The following PCNX4 variants were observed in gnomAD, a reference collection of about 807,000 sequenced individuals.
PCNX4 encodes the protein pecanex-like protein 4.
A neutral mutation model predicts 107.2 loss-of-function variants in PCNX4; 103 were observed. The ratio of observed to expected loss-of-function variants is 0.96; its 90% confidence interval spans 0.82 to 1.13. The LOEUF (loss-of-function observed/expected upper bound fraction) is 1.13. PCNX4 is among the 50% of genes most tolerant of loss of function. The probability of loss-of-function intolerance (pLI) is 0.00; values close to 1 mark genes in which losing one functional copy is unlikely to be tolerated. For synonymous variants in PCNX4, 541 were observed against 481.7 expected (o/e 1.12, Z -1.61); for missense variants, 1,528 against 1,379.4 (o/e 1.11, Z -1.71).
Position 60,144,788 on chromosome 14 carries a change from G to C in PCNX4, c.*10567G>C, listed in dbSNP as rs537499214. 3.5e-5 allele frequency: 21 copies of C among 606,078 alleles called. No individual in the cohort carries two copies. In the African/African-American group the frequency reaches 3.8e-4, roughly 11 times the overall value. The allele number at this position is 606,078 out of a possible 1,614,324, so 37.5% of individuals were successfully genotyped here. ...GTATGAGTTAATACCTTTTTTGCAA[G>C]ATTCATGGCAATCTTTTATTATTTA... On this transcript the variant is annotated 3_prime_UTR_variant, in exon 11 of 11. Coordinates refer to ENST00000406854, the MANE Select transcript of PCNX4 (RefSeq NM_001330177.2).
chr14:60,103,994 T>A (rs1263440133), intron 1 of PCNX4, among the ~76,000 whole-genome samples: 1 of 152,204 alleles, frequency 6.6e-6, no homozygotes, highest in Non-Finnish European at 1.5e-5. Flanking sequence ...CTTACTGTTT[T>A]GAGTAGAGTA....
chr14:60,141,005 GA>G lies in PCNX4; in HGVS notation c.*6788del. On this transcript the variant is annotated 3_prime_UTR_variant, in exon 11 of 11. Transcript: ENST00000406854. ...AAATACTGCATAGGCAAGGGACAGG[GA>G]AAATTAATTTTCCCTACTTATAAAG... 6.6e-6 allele frequency: 1 copy of G among 152,296 alleles called. No homozygotes were observed. Among genetic ancestry groups the G allele is most frequent in the East Asian group, 1.9e-4 (1 of 5,186 alleles). The allele number at this position is 152,296 out of a possible 1,614,324, so 9.4% of individuals were successfully genotyped here.
At chr14:60,097,963 A>G (rs1895457740) in intron 1 of PCNX4, among the ~76,000 whole-genome samples, 1 of 152,132 alleles carries the variant, frequency 6.6e-6, no homozygotes, top group East Asian at 1.9e-4. Flanking sequence ...TTATAACTAC[A>G]GGGTCTGGAT....
chr14:60,095,938 G>C (rs1895415691), intron 1 of PCNX4, among the ~76,000 whole-genome samples: 1 of 152,172 alleles, frequency 6.6e-6, no homozygotes, highest in African/African-American at 2.4e-5. Flanking sequence ...TTCTCAATTA[G>C]AGCAATTCTC....
Position 60,138,220 on chromosome 14 carries a change from G to T in PCNX4, c.*3999G>T, listed in dbSNP as rs917076419. The T allele has an allele frequency of 6.6e-6, 1 of 151,940 alleles. No individual in the cohort carries two copies. Among genetic ancestry groups the T allele is most frequent in the South Asian group, 2.1e-4 (1 of 4,824 alleles). The allele number at this position is 151,940 out of a possible 1,614,324, so 9.4% of individuals were successfully genotyped here. A position where few individuals can be genotyped will look rare whatever the true frequency, so the allele number is the denominator to read the frequency against. On this transcript the variant is annotated 3_prime_UTR_variant, in exon 11 of 11. Transcript: ENST00000406854. ...AGATGTGAAAAACTAAGAGACAAAAGAATAGAAAATATAGTAGAGAGTATA... is the reference window on the plus strand; with the variant it reads ...AGATGTGAAAAACTAAGAGACAAAATAATAGAAAATATAGTAGAGAGTATA...
intron 9 of PCNX4, 39 bp from the exon 10 acceptor site, chr14:60,125,598 C>T (rs1415439732): frequency 1.5e-6 from 2 of 1,331,910 alleles, no homozygotes; most frequent in Non-Finnish European, 2.0e-6. Flanking sequence ...AAGTTGACAG[C>T]AAATATTCTA....
At chr14:60,117,880 A>C (rs1895880458) in intron 6 of PCNX4, among the ~76,000 whole-genome samples, 2 of 152,056 alleles carry the variant, frequency 1.3e-5, no homozygotes, top group Admixed American at 6.6e-5. Flanking sequence ...TGTGGTATGT[A>C]ATATTTTGTA....
chr14:60,112,275 G>T (rs1895753864), intron 2 of PCNX4, among the ~76,000 whole-genome samples: 1 of 152,010 alleles, frequency 6.6e-6, no homozygotes, highest in Non-Finnish European at 1.5e-5. Flanking sequence ...CTTTTTTCTT[G>T]GCATGTGGAT....
In PCNX4 at chr14:60,099,586, A is replaced by C. The variant is rs549196085; in HGVS notation, c.-54+7167A>C. Reference sequence around the variant, plus strand: ...TTGGGTTAGAGAGAGCAGTATTATCACTGAGCACATTGTAGGTACCCAAAA... The same window carrying C: ...TTGGGTTAGAGAGAGCAGTATTATCCCTGAGCACATTGTAGGTACCCAAAA... On this transcript the variant is annotated intron_variant, in intron 1 of 10. Transcript: ENST00000406854. Among the ~76,000 whole-genome samples the C allele has an allele frequency of 7.2e-5, 11 of 152,348 alleles. No individual in the cohort carries two copies. The South Asian group carries it at 2.1e-3, about 29-fold the overall frequency.
At chr14:60,131,157 A>G (rs1473859978) in intron 10 of PCNX4, among the ~76,000 whole-genome samples, 3 of 152,192 alleles carry the variant, frequency 2.0e-5, no homozygotes, top group Non-Finnish European at 4.4e-5. Context: ...TGAGAAATAA[A>G]TGTCTCTTCT....
intron 1 of PCNX4, among the ~76,000 whole-genome samples, chr14:60,101,444 A>C (rs1895530945): frequency 6.6e-6 from 1 of 152,238 alleles, no homozygotes; most frequent in South Asian, 2.1e-4. Context: ...AAGTTAAAAA[A>C]ATGAGCAAAG....
rs1299307003 is a variant in PCNX4, at chr14:60,140,751, T to G, written c.*6530T>G. On this transcript the variant is annotated 3_prime_UTR_variant, in exon 11 of 11. Transcript: ENST00000406854. The surrounding 1 kb of genome is among the most constrained non-coding windows in gnomAD (Gnocchi z 4.2). ...TGAAAGGAGAAAAATAATATTTCAG[T>G]AGATCCAGAAAAAGTATTTGATAAA... The G allele has an allele frequency of 6.6e-6, 1 of 152,212 alleles. No homozygotes were observed. The highest frequency in any genetic ancestry group is 1.5e-5 in the Non-Finnish European group (1 of 68,032). The allele number at this position is 152,212 out of a possible 1,614,324, so 9.4% of individuals were successfully genotyped here. A position where few individuals can be genotyped will look rare whatever the true frequency, so the allele number is the denominator to read the frequency against.
At chr14:60,092,642 C>A (rs1228991803) in intron 1 of PCNX4, among the ~76,000 whole-genome samples, 1 of 152,202 alleles carries the variant, frequency 6.6e-6, no homozygotes, top group African/African-American at 2.4e-5. Flanking sequence ...ACTACTTTAG[C>A]CTGTTGAATT....
chr14:60,092,471 C>G (rs1460141427), intron 1 of PCNX4, 52 bp downstream of exon 1: 10 of 152,390 alleles, frequency 6.6e-5, no homozygotes, highest in African/African-American at 2.4e-5. Flanking sequence ...ATCTTAATGT[C>G]CAAGCCTGTG....
chr14:60,115,660 A>T, intron 4 of PCNX4, 59 bp from the exon 5 acceptor site: 1 of 1,466,386 alleles, frequency 6.8e-7, no homozygotes, highest in Non-Finnish European at 9.4e-7. Flanking sequence ...CCAGAATAAA[A>T]TATGGTAGAA....
Position 60,115,457 on chromosome 14 carries a change from T to G in PCNX4, c.1353T>G (p.Thr451=). Residue 451 remains threonine (T), a synonymous_variant, in exon 4 of 11, where the codon ACT becomes ACG. Coordinates refer to ENST00000406854, the MANE Select transcript of PCNX4 (RefSeq NM_001330177.2). ...GTATTGTCAGACGGATTTTGCTAACTTTAGGTAGGAAGATAAAGTCTATTA... is the reference window on the plus strand; with the variant it reads ...GTATTGTCAGACGGATTTTGCTAACGTTAGGTAGGAAGATAAAGTCTATTA... The part of the protein sequence containing the change: ...KIGIVRRILL[T]LVSPFAMIAF... 5 of 1,521,598 alleles carry G rather than the reference T, an allele frequency of 3.3e-6. No homozygotes were observed. Among genetic ancestry groups the G allele is most frequent in the Non-Finnish European group, 4.4e-6 (5 of 1,142,298 alleles). 94.3% of individuals were successfully genotyped at this position (1,521,598 alleles called of 1,614,324 possible).
At chr14:60,119,506 G>A (rs941033072) in intron 7 of PCNX4, among the ~76,000 whole-genome samples, 2 of 152,104 alleles carry the variant, frequency 1.3e-5, no homozygotes, top group Non-Finnish European at 2.9e-5. Context: ...ACTTCAGGTT[G>A]AACTTTTCTA....
rs1332876762 is a variant in PCNX4, at chr14:60,141,712, A to AT, written c.*7497dup. On this transcript the variant is annotated 3_prime_UTR_variant, in exon 11 of 11. Coordinates refer to ENST00000406854, the MANE Select transcript of PCNX4 (RefSeq NM_001330177.2). ...TTGTTTTATGTATCAATCATTCATT[A>AT]TTTTTTATCGCTGAGTAGTGCTGCA... The AT allele has an allele frequency of 6.6e-6, 1 of 152,132 alleles. No individual in the cohort carries two copies. The highest frequency in any genetic ancestry group is 1.9e-4 in the East Asian group (1 of 5,192). The allele number at this position is 152,132 out of a possible 1,614,324, so 9.4% of individuals were successfully genotyped here. A position where few individuals can be genotyped will look rare whatever the true frequency, so the allele number is the denominator to read the frequency against.
chr14:60,129,300 C>T (rs964944275), intron 10 of PCNX4, among the ~76,000 whole-genome samples: 1 of 151,030 alleles, frequency 6.6e-6, no homozygotes, highest in Non-Finnish European at 1.5e-5. Flanking sequence ...TGACTGTAAT[C>T]CCAGCACTTT....
Sources: gnomAD v4.1 joint callset for allele counts (sites outside exome capture counted in the v4.1 genomes callset) on GRCh38, gnomAD v4.1.1 for gene constraint, Gnocchi (gnomAD v3.1) non-coding constraint, MANE v1.5 for transcripts, NCBI Gene and HGNC (gene_info 2026-07-23, HGNC 2026-07-21) for gene names.